The following OVOL2 variants were observed in gnomAD, a reference collection of about 807,000 sequenced individuals.
The protein encoded by OVOL2 is transcription factor Ovo-like 2.
OVOL2 carries 13 observed loss-of-function variants against 18.1 expected under a neutral mutation model. That is an observed-to-expected ratio of 0.72 (90% CI 0.47 to 1.14). OVOL2 has a LOEUF of 1.14. Ranked by LOEUF, OVOL2 falls within the 50% of genes most tolerant of loss-of-function variation. The pLI is 0.00. For synonymous variants in OVOL2, 166 were observed against 162.7 expected (o/e 1.02, Z -0.16); for missense variants, 335 against 383.0 (o/e 0.87, Z 1.05).
intron 3 of OVOL2, among the ~76,000 whole-genome samples, chr20:18,035,436 C>T (rs375613046): frequency 1.3e-4 from 20 of 152,200 alleles, no homozygotes; most frequent in African/African-American, 4.6e-4. Context: ...CCAGCCTGGG[C>T]AACAGAGCAA....
chr20:18,045,516 G>A (rs1469931827), intron 2 of OVOL2, among the ~76,000 whole-genome samples: 2 of 152,162 alleles, frequency 1.3e-5, no homozygotes, highest in African/African-American at 4.8e-5. Flanking sequence ...CAAATCGTCG[G>A]TATTATTTTG....
chr20:18,027,632 G>C (rs1568630890), intron 3 of OVOL2, among the ~76,000 whole-genome samples: 1 of 151,930 alleles, frequency 6.6e-6, no homozygotes, highest in African/African-American at 2.4e-5. Flanking sequence ...GACTCGCTCT[G>C]TCGCCCAGGC....
chr20:18,056,549 G>C lies in OVOL2; in HGVS notation c.321+108C>G. 8.8e-7 allele frequency: 1 copy of C among 1,139,672 alleles called. No individual in the cohort carries two copies. The highest frequency in any genetic ancestry group is 4.9e-5 in the Admixed American group (1 of 20,502). The allele number at this position is 1,139,672 out of a possible 1,614,324, so 70.6% of individuals were successfully genotyped here. ...GCGGCGCGGCGGGCGCGCTCGGGGC[G>C]CGGGTGCCGGGTTGCGCAGGCGGGC... On this transcript the variant is annotated intron_variant, in intron 2 of 3. Transcript: ENST00000278780. The surrounding 1 kb of genome is among the most constrained non-coding windows in gnomAD (Gnocchi z 4.2).
At position 18,027,296 on chromosome 20, in the gene OVOL2, C is replaced by T. The variant is rs753280246; in HGVS notation, c.512-2344G>A. On this transcript the variant is annotated intron_variant, in intron 3 of 3. Coordinates refer to ENST00000278780, the MANE Select transcript of OVOL2 (RefSeq NM_021220.4). ...TGATCCCAGCACTTTGGGAGGCTGA[C>T]GTGGGCGGATCACCTGAGGTCAGGA... Among the ~76,000 whole-genome samples, 7 of 151,992 alleles carry T rather than the reference C, an allele frequency of 4.6e-5. No homozygotes were observed. In the South Asian group the frequency reaches 6.2e-4, roughly 14 times the overall value.
In OVOL2 at chr20:18,057,348, C is replaced by T. The variant is rs372009309; in HGVS notation, c.100+187G>A. Among the ~76,000 whole-genome samples the T allele has an allele frequency of 1.3e-3, 202 of 152,282 alleles. No individual in the cohort carries two copies. Among genetic ancestry groups the T allele is most frequent in the African/African-American group, 4.6e-3 (191 of 41,558 alleles). ...GAGGCTCCCACTACGGGGAAGGGGG[C>T]GCCTAGAGTCTGGGGCATCCCAGTC... On this transcript the variant is annotated intron_variant, in intron 1 of 3. Transcript: ENST00000278780. The surrounding 1 kb of genome is among the most constrained non-coding windows in gnomAD (Gnocchi z 6.3).
At chr20:18,042,775 CAAAAA>C (rs141784334) in intron 2 of OVOL2, among the ~76,000 whole-genome samples, 1 of 93,576 alleles carries the variant, frequency 1.1e-5, no homozygotes, top group Non-Finnish European at 2.0e-5. Flanking sequence ...AACTCCGTCT[CAAAAA>C]AAAAAAAAAA....
At chr20:18,037,272 A>T (rs1457006099) in intron 3 of OVOL2, among the ~76,000 whole-genome samples, 2 of 152,166 alleles carry the variant, frequency 1.3e-5, no homozygotes, top group African/African-American at 4.8e-5. Context: ...AAGACCATGA[A>T]CTTCAGGGCC....
chr20:18,024,703 A>C lies in OVOL2; in HGVS notation c.761T>G (p.Leu254Arg). The C allele has an allele frequency of 6.2e-7, 1 of 1,614,110 alleles. No homozygotes were observed. Among genetic ancestry groups the C allele is most frequent in the Non-Finnish European group, 8.5e-7 (1 of 1,180,016 alleles). ...GTGTGCGGATGTCAGCTTGCCCTGCAGAAGGGCTGCCAGTTTTTTAGATGT... is the reference window on the plus strand; with the variant it reads ...GTGTGCGGATGTCAGCTTGCCCTGCCGAAGGGCTGCCAGTTTTTTAGATGT... ...KKTSKKLAAL[L>R]QGKLTSAHQE... is the part of the protein sequence containing the mutation. The change falls in exon 4 of 4, where the codon CTG becomes CGG. Residue 254 changes from leucine (L) to arginine (R), a missense_variant. Coordinates refer to ENST00000278780, the MANE Select transcript of OVOL2 (RefSeq NM_021220.4).
chr20:18,037,920 C>CA (rs11087241), intron 3 of OVOL2, among the ~76,000 whole-genome samples: 93,624 of 151,880 alleles, frequency 0.62, 29,291 homozygotes, highest in African/African-American at 0.72. Context: ...ATCCTTGTGT[C>CA]GCGTCTGCTT....
intron 3 of OVOL2, among the ~76,000 whole-genome samples, chr20:18,035,466 C>A (rs2036608014): frequency 6.6e-6 from 1 of 152,168 alleles, no homozygotes; most frequent in Non-Finnish European, 1.5e-5. Context: ...TAAAACAAAA[C>A]AAATAAGCAA....
At chr20:18,041,487 T>C in intron 3 of OVOL2, 47 bp downstream of exon 3, 2 of 1,573,780 alleles carry the variant, frequency 1.3e-6, no homozygotes, top group Non-Finnish European at 1.7e-6. Flanking sequence ...CAGGAGCTCT[T>C]GGCCAGAATA....
chr20:18,054,766 C>CAAAAAAAAAAAAAAAAAAAAAAAA (rs745367889), intron 2 of OVOL2, among the ~76,000 whole-genome samples: 1 of 63,468 alleles, frequency 1.6e-5, no homozygotes, highest in African/African-American at 7.1e-5. Flanking sequence ...AACTCCATCT[C>CAAAAAAAAAAAAAAAAAAAAAAAA]AAAAAAAAAA....
intron 3 of OVOL2, among the ~76,000 whole-genome samples, chr20:18,026,382 ATT>A (rs11337430): frequency 0.23 from 31,667 of 138,704 alleles, 3,752 homozygotes; most frequent in South Asian, 0.41. Context: ...TCAGGAATCC[ATT>A]TTTTTTTTTT....
intron 3 of OVOL2, among the ~76,000 whole-genome samples, chr20:18,034,550 A>C (rs2036597915): frequency 6.6e-6 from 1 of 151,936 alleles, no homozygotes; most frequent in African/African-American, 2.4e-5. Flanking sequence ...AATATTACAG[A>C]GTTTTTCTGC....
At chr20:18,042,476 C>T (rs551737976) in intron 2 of OVOL2, among the ~76,000 whole-genome samples, 1 of 151,998 alleles carries the variant, frequency 6.6e-6, no homozygotes, top group East Asian at 2.0e-4. Flanking sequence ...GGAGAGCTGG[C>T]TGTTTAAAAG....
intron 2 of OVOL2, among the ~76,000 whole-genome samples, chr20:18,055,893 G>C (rs958913065): frequency 6.6e-6 from 1 of 152,238 alleles, no homozygotes; most frequent in Non-Finnish European, 1.5e-5. Flanking sequence ...ACCTTGGTGG[G>C]TAGCGGATAC....
intron 3 of OVOL2, among the ~76,000 whole-genome samples, chr20:18,030,307 G>A (rs1195188326): frequency 1.3e-5 from 2 of 152,222 alleles, no homozygotes; most frequent in African/African-American, 4.8e-5. Flanking sequence ...GCTCATCAGA[G>A]CAGAAATCCA....
At chr20:18,054,704 T>C (rs2036800874) in intron 2 of OVOL2, among the ~76,000 whole-genome samples, 1 of 147,228 alleles carries the variant, frequency 6.8e-6, no homozygotes, top group African/African-American at 2.6e-5. Flanking sequence ...ATCCAGCCAT[T>C]GCACTCAGCT....
chr20:18,026,869 C>G (rs2036524198), intron 3 of OVOL2, among the ~76,000 whole-genome samples: 1 of 151,998 alleles, frequency 6.6e-6, no homozygotes, highest in Non-Finnish European at 1.5e-5. Context: ...CCCCTTGAGC[C>G]AGTGGCTGAA....
Sources: allele counts gnomAD v4.1 joint callset (sites outside exome capture counted in the v4.1 genomes callset), GRCh38; gene constraint gnomAD v4.1.1; non-coding constraint Gnocchi (gnomAD v3.1); transcripts MANE v1.5; gene names NCBI Gene and HGNC (gene_info 2026-07-23, HGNC 2026-07-21).